Variants in NMT2 observed in about 807,000 individuals in gnomAD.
The protein encoded by NMT2 is N-myristoyltransferase 2, also known as glycylpeptide N-tetradecanoyltransferase 2.
A neutral mutation model predicts 65.4 loss-of-function variants in NMT2; 35 were observed. That is an observed-to-expected ratio of 0.54 (90% CI 0.41 to 0.71). The LOEUF (loss-of-function observed/expected upper bound fraction) is 0.71, where lower values mean the gene tolerates loss of function less well. Among genes scored for constraint, NMT2 ranks in the 30% least tolerant of loss-of-function variants. The pLI is 0.00. For synonymous variants in NMT2, 226 were observed against 231.8 expected (o/e 0.98, Z 0.23); for missense variants, 489 against 611.3 (o/e 0.80, Z 2.11).
At chr10:15,119,550 A>G (rs1351564637) in intron 8 of NMT2, 37 bp from the exon 9 acceptor site, 2 of 1,591,488 alleles carry the variant, frequency 1.3e-6, no homozygotes, top group Non-Finnish European at 1.7e-6. Flanking sequence ...CCAGAAGTTC[A>G]GGTAGAAGAG....
chr10:15,149,073 C>T (rs1186548536), intron 1 of NMT2, among the ~76,000 whole-genome samples: 1 of 152,054 alleles, frequency 6.6e-6, no homozygotes, highest in Non-Finnish European at 1.5e-5. Flanking sequence ...CCACCACCAC[C>T]ATCATCACCA....
At chr10:15,157,359 G>A (rs1833038128) in intron 1 of NMT2, among the ~76,000 whole-genome samples, 1 of 152,146 alleles carries the variant, frequency 6.6e-6, no homozygotes, top group African/African-American at 2.4e-5. Context: ...CACCATCCAG[G>A]GCAGACTGGG....
At chr10:15,136,370 G>A (rs1185712611) in intron 2 of NMT2, among the ~76,000 whole-genome samples, 1 of 145,824 alleles carries the variant, frequency 6.9e-6, no homozygotes, top group African/African-American at 2.5e-5. Flanking sequence ...GGGAGGGAGC[G>A]AGGGAGGAAG....
At chr10:15,155,002 A>C (rs1406813515) in intron 1 of NMT2, 1 of 1,185,714 alleles carries the variant, frequency 8.4e-7, no homozygotes, top group South Asian at 1.2e-5. Flanking sequence ...GCCATGGACA[A>C]GATGCCAGGA....
At chr10:15,154,764 G>A (rs1353286496) in intron 1 of NMT2, 1 of 660,878 alleles carries the variant, frequency 1.5e-6, no homozygotes, top group Admixed American at 1.8e-5. Flanking sequence ...AAAAGGAATG[G>A]TCTGGTGGTT....
chr10:15,120,038 G>A (rs922179962), intron 8 of NMT2, among the ~76,000 whole-genome samples: 1 of 152,118 alleles, frequency 6.6e-6, no homozygotes, highest in Non-Finnish European at 1.5e-5. Flanking sequence ...AAACTGGATC[G>A]TTGCATCTGT....
intron 1 of NMT2, among the ~76,000 whole-genome samples, chr10:15,145,959 A>G (rs1193439471): frequency 6.6e-6 from 1 of 152,166 alleles, no homozygotes; most frequent in African/African-American, 2.4e-5. Flanking sequence ...CAGGCCCAAG[A>G]GAAGACTCTC....
chr10:15,148,431 T>G (rs1242044179), intron 1 of NMT2, among the ~76,000 whole-genome samples: 1 of 152,152 alleles, frequency 6.6e-6, no homozygotes, highest in Non-Finnish European at 1.5e-5. Flanking sequence ...GAGGATCACT[T>G]GAGTCCAGGA....
At chr10:15,141,610 T>C (rs1256070996) in intron 1 of NMT2, 53 bp from the exon 2 acceptor site, 15 of 1,543,836 alleles carry the variant, frequency 9.7e-6, no homozygotes, top group Non-Finnish European at 1.3e-5. Context: ...AATCATTAAA[T>C]GAAATTGAAT....
chr10:15,120,698 G>A (rs997096748), intron 8 of NMT2, among the ~76,000 whole-genome samples: 1 of 152,132 alleles, frequency 6.6e-6, no homozygotes, highest in Admixed American at 6.6e-5. Context: ...TGGTGATTTT[G>A]TTCTCTTGAA....
In NMT2 at chr10:15,106,829, G is replaced by T; in HGVS notation, c.*2366C>A. 5.6e-6 allele frequency: 1 copy of T among 177,822 alleles called. No homozygotes were observed. The highest frequency in any genetic ancestry group is 1.1e-5 in the Non-Finnish European group (1 of 91,412). The allele number at this position is 177,822 out of a possible 1,614,324, so 11.0% of individuals were successfully genotyped here. The stretch of plus-strand genomic sequence containing the variant: ...AATGAAAGTGGCTGTGGCCAAGAGT[G>T]GTGGCTCATGTCTATAATCCCAGTA... On this transcript the variant is annotated 3_prime_UTR_variant, in exon 12 of 12. Transcript: ENST00000378165.
intron 8 of NMT2, among the ~76,000 whole-genome samples, chr10:15,125,518 CT>C (rs760901895): frequency 6.6e-6 from 1 of 152,196 alleles, no homozygotes; most frequent in East Asian, 1.9e-4. Flanking sequence ...GTAAGTGTGT[CT>C]TTTCCTTGTA....
intron 1 of NMT2, among the ~76,000 whole-genome samples, chr10:15,157,013 C>T (rs1158949307): frequency 2.0e-5 from 3 of 152,066 alleles, no homozygotes; most frequent in South Asian, 2.1e-4. Flanking sequence ...TTAATAAATA[C>T]CCCTAAAGTA....
intron 3 of NMT2, 77 bp downstream of exon 3, chr10:15,135,197 T>TGTG: frequency 7.7e-7 from 1 of 1,297,608 alleles, no homozygotes; most frequent in Non-Finnish European, 1.1e-6. Flanking sequence ...TGTGTTTTGT[T>TGTG]GTTGTTGTTG....
Position 15,107,776 on chromosome 10 carries a change from C to CT in NMT2, c.*1418dup, listed in dbSNP as rs45474404. On this transcript the variant is annotated 3_prime_UTR_variant, in exon 12 of 12. Coordinates refer to ENST00000378165, the MANE Select transcript of NMT2 (RefSeq NM_004808.3). ...AGCCAAGGCATCTACTTTGTGGTAT[C>CT]TGAGTTGAGGCCAGGCTACGTGGCC... 53,042 of 985,494 alleles carry CT rather than the reference C, an allele frequency of 0.054. 5,069 individuals are homozygous for CT. Among genetic ancestry groups the CT allele is most frequent in the African/African-American group, 0.39 (22,567 of 57,248 alleles). The allele number at this position is 985,494 out of a possible 1,614,324, so 61.0% of individuals were successfully genotyped here.
At chr10:15,163,282 A>C (rs1833263114) in intron 1 of NMT2, among the ~76,000 whole-genome samples, 2 of 152,200 alleles carry the variant, frequency 1.3e-5, no homozygotes, top group African/African-American at 4.8e-5. Context: ...AACAACAATC[A>C]ATTTCTTGAA....
At chr10:15,164,333 A>G (rs1444674789) in intron 1 of NMT2, among the ~76,000 whole-genome samples, 1 of 152,092 alleles carries the variant, frequency 6.6e-6, no homozygotes, top group Admixed American at 6.5e-5. Flanking sequence ...TCCAGTGAAT[A>G]TTGAGGGAAA....
rs146477418 is a variant in NMT2, at chr10:15,122,511, G to A, written c.1000-2998C>T. ...CAGCTCACTGCAACCTCTGCTTCCC[G>A]GGTTCAAGTGATTTGATCCTGCCTC... On this transcript the variant is annotated intron_variant, in intron 8 of 11. Transcript: ENST00000378165. Among the ~76,000 whole-genome samples the A allele has an allele frequency of 3.3e-3, 496 of 151,784 alleles. 4 individuals carry two copies. The highest frequency in any genetic ancestry group is 0.011 in the African/African-American group (453 of 41,352).
intron 3 of NMT2, 80 bp downstream of exon 3, chr10:15,135,194 T>C (rs548696479): frequency 1.2e-6 from 1 of 840,968 alleles, no homozygotes; most frequent in East Asian, 4.0e-5. Flanking sequence ...CTTTGTGTTT[T>C]GTTGTTGTTG....
Sources: gnomAD v4.1 joint callset for allele counts (sites outside exome capture counted in the v4.1 genomes callset) on GRCh38, gnomAD v4.1.1 for gene constraint, MANE v1.5 for transcripts, NCBI Gene and HGNC (gene_info 2026-07-23, HGNC 2026-07-21) for gene names.